NRG3: variants seen among roughly 807,000 people sequenced by gnomAD.
NRG3 encodes pro-neuregulin-3, membrane-bound isoform.
Under a neutral mutation model 66.9 loss-of-function variants are expected in NRG3, and 31 were observed. That is an observed-to-expected ratio of 0.46 (90% confidence interval 0.35 to 0.63). The LOEUF is 0.63. Among genes scored for constraint, NRG3 ranks in the 20% least tolerant of loss-of-function variants. The probability of loss-of-function intolerance (pLI) is 0.00; values close to 1 mark genes in which losing one functional copy is unlikely to be tolerated. For missense variants in NRG3, 910 were observed against 878.9 expected (o/e 1.04, Z -0.45); for synonymous variants, 393 against 359.4 (o/e 1.09, Z -1.06).
At chr10:82,686,369 G>A (rs1300179928) in intron 2 of NRG3, among the ~76,000 whole-genome samples, 1 of 151,884 alleles carries the variant, frequency 6.6e-6, no homozygotes, top group Non-Finnish European at 1.5e-5. Flanking sequence ...TGTATTTTTA[G>A]TAGAGATGGG....
At chr10:82,261,213 G>A (rs1033998793) in intron 1 of NRG3, among the ~76,000 whole-genome samples, 1 of 152,134 alleles carries the variant, frequency 6.6e-6, no homozygotes, top group Non-Finnish European at 1.5e-5. Context: ...CCTCCATGCT[G>A]TTCTCCTGAA....
At chr10:81,903,047 C>T (rs2132669623) in intron 1 of NRG3, among the ~76,000 whole-genome samples, 1 of 152,126 alleles carries the variant, frequency 6.6e-6, no homozygotes, top group Non-Finnish European at 1.5e-5. Flanking sequence ...GTTTCGGGCC[C>T]AAGTTCTCCC....
intron 2 of NRG3, among the ~76,000 whole-genome samples, chr10:82,610,305 C>CA (rs76608202): frequency 6.6e-6 from 1 of 151,902 alleles, no homozygotes; most frequent in Admixed American, 6.6e-5. Context: ...CAGAGACCCT[C>CA]TTGCCGTGTA....
intron 2 of NRG3, among the ~76,000 whole-genome samples, chr10:82,362,347 GT>G (rs1564839863): frequency 1.1e-5 from 1 of 95,202 alleles, no homozygotes; most frequent in Non-Finnish European, 1.8e-5. Flanking sequence ...GTGTGTGTGT[GT>G]GTGTGTGTGT....
intron 2 of NRG3, among the ~76,000 whole-genome samples, chr10:82,558,772 T>C (rs2044825180): frequency 6.6e-6 from 1 of 152,158 alleles, no homozygotes; most frequent in Non-Finnish European, 1.5e-5. Flanking sequence ...ATTCTAGTTA[T>C]TTTCTCTTAT....
chr10:82,780,461 C>G (rs1207008853), intron 3 of NRG3, among the ~76,000 whole-genome samples: 1 of 146,770 alleles, frequency 6.8e-6, no homozygotes, highest in African/African-American at 2.5e-5. Context: ...AGCATTGCGC[C>G]TCTTTTTTTT....
intron 2 of NRG3, among the ~76,000 whole-genome samples, chr10:82,722,957 C>G (rs1467671402): frequency 2.6e-5 from 4 of 151,974 alleles, no homozygotes; most frequent in Admixed American, 6.6e-5. Flanking sequence ...CCACCCGTCC[C>G]ACTACTAGTA....
intron 3 of NRG3, chr10:82,827,095 G>A (rs1233647613): frequency 6.3e-6 from 2 of 319,532 alleles, no homozygotes; most frequent in Non-Finnish European, 1.2e-5. Flanking sequence ...AAAAAAGCTT[G>A]AAAAATAACT....
In NRG3 at chr10:82,583,997, A is replaced by G. The variant is rs142550755; in HGVS notation, c.954-154580A>G. ...AATAAGGATTAAAACTGTCTCTCTC[A>G]AAAGGCTATAATGGGAATTGAAAAA... On this transcript the variant is annotated intron_variant, in intron 2 of 8. Transcript: ENST00000372141. 1.4e-4 allele frequency among the ~76,000 whole-genome samples: 22 copies of G among 152,342 alleles called. No individual in the cohort carries two copies. In the East Asian group the frequency reaches 4.1e-3, roughly 28 times the overall value.
intron 2 of NRG3, among the ~76,000 whole-genome samples, chr10:82,666,605 T>G (rs550274940): frequency 1.3e-5 from 2 of 152,224 alleles, no homozygotes; most frequent in Non-Finnish European, 2.9e-5. Context: ...TTACCATTTA[T>G]AATTTTCTGG....
At chr10:82,362,648 C>T (rs2084261999) in intron 2 of NRG3, among the ~76,000 whole-genome samples, 1 of 149,516 alleles carries the variant, frequency 6.7e-6, no homozygotes, top group African/African-American at 2.5e-5. Context: ...CCTCAGCTTC[C>T]TAAAATGTTG....
intron 1 of NRG3, among the ~76,000 whole-genome samples, chr10:82,299,300 T>C (rs1366306066): frequency 1.3e-5 from 2 of 152,194 alleles, no homozygotes; most frequent in Non-Finnish European, 2.9e-5. Flanking sequence ...ACACCTAATC[T>C]CTTTTCGCAC....
chr10:82,258,148 A>G (rs1320518342), intron 1 of NRG3, among the ~76,000 whole-genome samples: 2 of 152,228 alleles, frequency 1.3e-5, no homozygotes, highest in Non-Finnish European at 2.9e-5. Flanking sequence ...TAGGTGCTGT[A>G]CGAGAATAAA....
At chr10:82,118,216 T>TAA (rs201442608) in intron 1 of NRG3, among the ~76,000 whole-genome samples, 1,415 of 130,160 alleles carry the variant, frequency 0.011, 23 homozygotes, top group African/African-American at 0.035. Flanking sequence ...GTAAGGACTC[T>TAA]AAAAAAAAAA....
intron 1 of NRG3, among the ~76,000 whole-genome samples, chr10:82,305,729 C>T (rs977533214): frequency 6.6e-6 from 1 of 152,044 alleles, no homozygotes; most frequent in Non-Finnish European, 1.5e-5. Context: ...TCAGCATATT[C>T]ATTATATACA....
intron 2 of NRG3, among the ~76,000 whole-genome samples, chr10:82,726,292 G>C (rs1463848599): frequency 6.6e-6 from 1 of 152,130 alleles, no homozygotes; most frequent in African/African-American, 2.4e-5. Flanking sequence ...CTGAGATCTA[G>C]CAAGCATAGT....
intron 1 of NRG3, among the ~76,000 whole-genome samples, chr10:82,242,198 T>C (rs1255896338): frequency 6.6e-6 from 1 of 152,196 alleles, no homozygotes; most frequent in Non-Finnish European, 1.5e-5. Context: ...CACTCAGAAA[T>C]GTAATCCAAC....
intron 2 of NRG3, among the ~76,000 whole-genome samples, chr10:82,647,271 T>C (rs2051017282): frequency 6.6e-6 from 1 of 152,140 alleles, no homozygotes; most frequent in African/African-American, 2.4e-5. Context: ...TTTTTGTTCT[T>C]GCGATAGTTT....
chr10:82,363,387 T>C (rs1246417054), intron 2 of NRG3, among the ~76,000 whole-genome samples: 3 of 152,252 alleles, frequency 2.0e-5, no homozygotes, highest in African/African-American at 4.8e-5. Context: ...GAGTGCACTT[T>C]GTTAAATATT....
Sources: allele counts gnomAD v4.1 joint callset (sites outside exome capture counted in the v4.1 genomes callset), GRCh38; gene constraint gnomAD v4.1.1; transcripts MANE v1.5; gene names NCBI Gene and HGNC (gene_info 2026-07-23, HGNC 2026-07-21).